The following DNAJC6 variants were observed in gnomAD, a reference collection of about 807,000 sequenced individuals.
DNAJC6 encodes the protein DnaJ heat shock protein family (Hsp40) member C6.
DNAJC6 carries 34 observed loss-of-function variants against 110.0 expected under a neutral mutation model. That is an observed-to-expected ratio of 0.31 (90% CI 0.24 to 0.41). DNAJC6 has a LOEUF of 0.41. Among genes scored for constraint, DNAJC6 ranks in the 10% least tolerant of loss-of-function variants. DNAJC6 has a pLI of 1.00. For synonymous variants in DNAJC6, 406 were observed against 437.2 expected, an observed-to-expected ratio of 0.93 and a Z score of 0.89; for missense variants, 1,031 against 1,207.8, an observed-to-expected ratio of 0.85 and a Z score of 2.17.
chr1:65,384,668 G>C (rs1046751667), intron 6 of DNAJC6, among the ~76,000 whole-genome samples: 2 of 152,094 alleles, frequency 1.3e-5, no homozygotes, highest in Non-Finnish European at 2.9e-5. Flanking sequence ...TCACTATCAT[G>C]AGAACAGCAT....
intron 1 of DNAJC6, among the ~76,000 whole-genome samples, chr1:65,341,971 A>G (rs1442754986): frequency 2.6e-5 from 4 of 152,102 alleles, no homozygotes; most frequent in Admixed American, 6.6e-5. Flanking sequence ...TTTCATTGCT[A>G]TGCAATGAAT....
chr1:65,397,564 TG>T (rs1645991374), intron 13 of DNAJC6, among the ~76,000 whole-genome samples: 1 of 152,212 alleles, frequency 6.6e-6, no homozygotes, highest in African/African-American at 2.4e-5. Flanking sequence ...TCCCCTGATG[TG>T]GTGCCTTGCA....
At chr1:65,402,718 G>A (rs1438692951) in intron 15 of DNAJC6, among the ~76,000 whole-genome samples, 3 of 152,228 alleles carry the variant, frequency 2.0e-5, no homozygotes, top group African/African-American at 7.2e-5. Flanking sequence ...GAGCCAGATG[G>A]AGGGAATGTG....
At chr1:65,323,566 A>C (rs1008285944) in intron 1 of DNAJC6, among the ~76,000 whole-genome samples, 1 of 152,088 alleles carries the variant, frequency 6.6e-6, no homozygotes, top group African/African-American at 2.4e-5. Flanking sequence ...TAGCGATGTG[A>C]AACTAGATTA....
upstream of DNAJC6, among the ~76,000 whole-genome samples, chr1:65,308,067 G>A (rs898372688): frequency 2.6e-5 from 4 of 152,184 alleles, no homozygotes; most frequent in Admixed American, 6.5e-5. Context: ...ACAGGAAAAT[G>A]TCTCTTAGTC....
At chr1:65,349,023 C>A (rs930313903) in intron 1 of DNAJC6, among the ~76,000 whole-genome samples, 1 of 138,010 alleles carries the variant, frequency 7.2e-6, no homozygotes, top group African/African-American at 2.7e-5. Flanking sequence ...TATGTGAATA[C>A]ATATAAATAT....
chr1:65,364,695 G>A lies in DNAJC6; in HGVS notation c.254G>A (p.Gly85Glu). The change falls in exon 2 of 19, where the codon GGA (glycine) becomes GAA (glutamate). Residue 85 changes from glycine (G) to glutamate (E), a missense_variant. Coordinates refer to ENST00000371069, the MANE Select transcript of DNAJC6 (RefSeq NM_001256864.2). ...YGGGLFDMVK[G>E]GAGRLFSNLK... ...GGAGGTCTCTTTGACATGGTAAAAG[G>A]AGGTGCAGGGAGGCTCTTTAGTAAC... 3 of 1,613,124 alleles carry A rather than the reference G, an allele frequency of 1.9e-6. No individual in the cohort carries two copies. The highest frequency in any genetic ancestry group is 1.7e-6 in the Non-Finnish European group (2 of 1,179,626).
intron 1 of DNAJC6, among the ~76,000 whole-genome samples, chr1:65,328,138 T>C (rs572596681): frequency 1.1e-4 from 17 of 152,334 alleles, no homozygotes; most frequent in African/African-American, 4.1e-4. Flanking sequence ...TGTATTTACA[T>C]AGGAAAATTA....
chr1:65,308,745 T>G (rs978003080), upstream of DNAJC6, among the ~76,000 whole-genome samples: 1 of 152,340 alleles, frequency 6.6e-6, no homozygotes, highest in Non-Finnish European at 1.5e-5. Context: ...GCTAGCTAAC[T>G]GAAACAGTCT....
chr1:65,406,140 A>T lies in DNAJC6; in HGVS notation c.2491+7A>T. ...AAAGGATCAAGTAATTTGGGTAAGG[A>T]TAATGGTATGGGACCTAGCTATGGG... On this transcript the variant is annotated splice_region_variant and intron_variant, in intron 16 of 18. Coordinates refer to ENST00000371069, the MANE Select transcript of DNAJC6 (RefSeq NM_001256864.2). The T allele has an allele frequency of 6.2e-7, 1 of 1,612,078 alleles. No individual in the cohort carries two copies. The highest frequency in any genetic ancestry group is 1.1e-5 in the South Asian group (1 of 90,748).
At chr1:65,342,458 A>G (rs1197426632) in intron 1 of DNAJC6, among the ~76,000 whole-genome samples, 4 of 152,172 alleles carry the variant, frequency 2.6e-5, no homozygotes, top group African/African-American at 7.2e-5. Context: ...CCTTCTACGA[A>G]TAAAGAAGTG....
At chr1:65,323,459 C>T (rs1270600902) in intron 1 of DNAJC6, among the ~76,000 whole-genome samples, 6 of 152,114 alleles carry the variant, frequency 3.9e-5, no homozygotes, top group Non-Finnish European at 7.4e-5. Flanking sequence ...GTAAGTTTCC[C>T]GAGGCCTCCT....
chr1:65,359,770 C>G (rs546570766), intron 1 of DNAJC6, among the ~76,000 whole-genome samples: 1 of 152,050 alleles, frequency 6.6e-6, no homozygotes, highest in Non-Finnish European at 1.5e-5. Flanking sequence ...CTTTGTGGGC[C>G]GTAAGATCTG....
At chr1:65,271,643 G>T (rs6681887) in intron 1 of DNAJC6, among the ~76,000 whole-genome samples, 3,293 of 152,132 alleles carry the variant, frequency 0.022, 105 homozygotes, top group African/African-American at 0.077. Flanking sequence ...GAGGCAGGTG[G>T]AACACCAGAG....
chr1:65,303,922 C>T (rs554693774), intron 1 of DNAJC6, among the ~76,000 whole-genome samples: 1 of 152,266 alleles, frequency 6.6e-6, no homozygotes. Flanking sequence ...ACCTAAATGT[C>T]CTTCAGCTTT....
intron 9 of DNAJC6, 125 bp from the exon 10 acceptor site, chr1:65,389,131 T>G (rs777521507): frequency 8.1e-6 from 7 of 868,868 alleles, no homozygotes; most frequent in Non-Finnish European, 1.1e-5. Flanking sequence ...TGGTTATGAC[T>G]GAGTCTTTTT....
chr1:65,350,005 C>A (rs1329249850), intron 1 of DNAJC6, among the ~76,000 whole-genome samples: 1 of 152,154 alleles, frequency 6.6e-6, no homozygotes, highest in Non-Finnish European at 1.5e-5. Context: ...ACGACAGGCC[C>A]CCACAACAAA....
At chr1:65,371,821 G>T (rs1038857971) in intron 4 of DNAJC6, among the ~76,000 whole-genome samples, 3 of 152,180 alleles carry the variant, frequency 2.0e-5, no homozygotes, top group African/African-American at 4.8e-5. Context: ...ACAGCATTGC[G>T]AAGTGTCAGC....
chr1:65,338,458 T>C (rs1340210506), intron 1 of DNAJC6, among the ~76,000 whole-genome samples: 1 of 152,226 alleles, frequency 6.6e-6, no homozygotes, highest in African/African-American at 2.4e-5. Context: ...TGTGTGGTTA[T>C]ATCATCAATT....
Sources: gnomAD v4.1 joint callset for allele counts (sites outside exome capture counted in the v4.1 genomes callset) on GRCh38, gnomAD v4.1.1 for gene constraint, MANE v1.5 for transcripts, NCBI Gene and HGNC (gene_info 2026-07-23, HGNC 2026-07-21) for gene names.